Variants in FAM193A observed in about 807,000 individuals in gnomAD.
FAM193A encodes the protein family with sequence similarity 193 member A.
A neutral mutation model predicts 126.5 loss-of-function variants in FAM193A; 22 were observed. The observed-to-expected ratio is 0.17, with a 90% confidence interval of 0.12 to 0.25. The LOEUF is 0.25. Among genes scored for constraint, FAM193A ranks in the 10% least tolerant of loss-of-function variants. The pLI is 1.00. For synonymous variants in FAM193A, 761 were observed against 646.8 expected, an observed-to-expected ratio of 1.18 and a Z score of -2.68; for missense variants, 1,675 against 1,672.8, an observed-to-expected ratio of 1.00 and a Z score of -0.02.
intron 1 of FAM193A, among the ~76,000 whole-genome samples, chr4:2,548,103 G>C (rs1255245008): frequency 4.6e-5 from 6 of 129,908 alleles, no homozygotes; most frequent in Non-Finnish European, 8.0e-5. Flanking sequence ...ACAAAGTCTT[G>C]CTCTTGTCCC....
chr4:2,663,289 GTAGGAC>G lies in FAM193A; in HGVS notation c.2079+3_2079+8del. Reference sequence around the variant, plus strand: ...ACCCCCATCCTACCCAACACAGCAGGTAGGACTTTGCTTGCTGTTTTGCCAAGGATC... The same window carrying G: ...ACCCCCATCCTACCCAACACAGCAGGTTTGCTTGCTGTTTTGCCAAGGATC... On this transcript the variant is annotated splice_donor_variant and splice_donor_5th_base_variant and intron_variant, in intron 12 of 20. Transcript: ENST00000637812. LOFTEE classifies it high-confidence loss of function. 1.3e-6 allele frequency: 2 copies of G among 1,556,746 alleles called. No homozygotes were observed. Among genetic ancestry groups the G allele is most frequent in the Non-Finnish European group, 1.7e-6 (2 of 1,153,104 alleles).
chr4:2,636,254 G>A (rs1035596881), intron 5 of FAM193A, among the ~76,000 whole-genome samples: 5 of 151,910 alleles, frequency 3.3e-5, no homozygotes, highest in South Asian at 2.1e-4. Flanking sequence ...TAGTAGAGTC[G>A]GGGTTTCACT....
chr4:2,585,152 T>C (rs548363485), intron 1 of FAM193A, among the ~76,000 whole-genome samples: 1 of 152,346 alleles, frequency 6.6e-6, no homozygotes, highest in East Asian at 1.9e-4. Context: ...TTCTACAGTT[T>C]ATGGGTTATT....
At chr4:2,577,144 T>C (rs1027445471) in intron 1 of FAM193A, among the ~76,000 whole-genome samples, 1 of 140,658 alleles carries the variant, frequency 7.1e-6, no homozygotes, top group Non-Finnish European at 1.6e-5. Flanking sequence ...CAGGTAGTTA[T>C]TGTTATTACT....
At chr4:2,693,028 C>T (rs139805242) in intron 15 of FAM193A, among the ~76,000 whole-genome samples, 8 of 152,040 alleles carry the variant, frequency 5.3e-5, no homozygotes, top group African/African-American at 1.4e-4. Context: ...CATAGTGAGA[C>T]ACTGTCTCTT....
At chr4:2,562,337 A>G (rs1578601164) in intron 1 of FAM193A, among the ~76,000 whole-genome samples, 1 of 152,268 alleles carries the variant, frequency 6.6e-6, no homozygotes, top group Non-Finnish European at 1.5e-5. Context: ...CTGTAGTCCT[A>G]GCTACCCAGG....
chr4:2,646,996 G>A (rs534110287), intron 7 of FAM193A, among the ~76,000 whole-genome samples, 164 bp downstream of exon 7: 36 of 152,344 alleles, frequency 2.4e-4, no homozygotes, highest in African/African-American at 7.7e-4. Context: ...CTGGTTTTCC[G>A]GAAGGGATGG....
At chr4:2,640,636 C>A (rs1455305961) in intron 6 of FAM193A, among the ~76,000 whole-genome samples, 1 of 152,118 alleles carries the variant, frequency 6.6e-6, no homozygotes, top group African/African-American at 2.4e-5. Flanking sequence ...ATAATACAGA[C>A]CCATCGTGAC....
At chr4:2,576,007 C>T (rs1739564073) in intron 1 of FAM193A, among the ~76,000 whole-genome samples, 1 of 152,108 alleles carries the variant, frequency 6.6e-6, no homozygotes, top group African/African-American at 2.4e-5. Flanking sequence ...AGCAGCAGTC[C>T]AGGAGGTCAG....
intron 13 of FAM193A, among the ~76,000 whole-genome samples, chr4:2,687,761 C>T (rs1715906837): frequency 6.6e-6 from 1 of 152,180 alleles, no homozygotes. Flanking sequence ...CAAAGCTGAC[C>T]AAATCATCTC....
chr4:2,602,163 C>G (rs899704134), intron 2 of FAM193A, among the ~76,000 whole-genome samples: 9 of 151,768 alleles, frequency 5.9e-5, no homozygotes, highest in Non-Finnish European at 1.0e-4. Context: ...TATATACATA[C>G]ATGTGCTATA....
Position 2,699,934 on chromosome 4 carries a change from T to C in FAM193A, c.3762T>C (p.Pro1254=). 6.2e-7 allele frequency: 1 copy of C among 1,614,054 alleles called. No individual in the cohort carries two copies. Among genetic ancestry groups the C allele is most frequent in the East Asian group, 2.2e-5 (1 of 44,860 alleles). ...TCCAGGCAGCAACAGAGTCTGTTCC[T>C]AACTCTGGAAACATCCACAATGGCT... ...RNFQAATESV[P]NSGNIHNGSL... is the part of the protein sequence containing the mutation. The change falls in exon 19 of 21, where the codon CCT becomes CCC. Residue 1254 remains proline (P), a synonymous_variant. Transcript: ENST00000637812.
intron 2 of FAM193A, among the ~76,000 whole-genome samples, chr4:2,616,847 T>A (rs1742218296): frequency 6.7e-6 from 1 of 149,856 alleles, no homozygotes; most frequent in South Asian, 2.2e-4. Context: ...GTTACAGGTG[T>A]GAGCCACCAC....
intron 13 of FAM193A, among the ~76,000 whole-genome samples, chr4:2,685,140 T>C (rs1715590218): frequency 6.6e-6 from 1 of 152,126 alleles, no homozygotes; most frequent in Non-Finnish European, 1.5e-5. Flanking sequence ...CTGAGAACTT[T>C]GCAGTGGAGC....
chr4:2,700,510 G>T lies in FAM193A; in HGVS notation c.4338G>T (p.Lys1446Asn), dbSNP rs748874047. The change falls in exon 19 of 21, where the codon AAG becomes AAT. Residue 1446 changes from lysine to asparagine, a missense_variant. Lys to Asn is a moderately conservative substitution (Grantham distance 94). Coordinates refer to ENST00000637812, the MANE Select transcript of FAM193A (RefSeq NM_001366318.2). ...CAAAGGGCAAGAACAAGAAAAATAA[G>T]AAGAAGAAAGGAGACAGAGTCAACA... ...PQPKGKNKKN[K>N]KKKGDRVNNS... 62 of 1,612,578 alleles carry T rather than the reference G, an allele frequency of 3.8e-5. 2 individuals are homozygous for T. Among genetic ancestry groups the T allele is most frequent in the Admixed American group, 3.4e-5 (2 of 59,616 alleles).
chr4:2,655,031 T>C (rs1240166651), intron 7 of FAM193A: 9 of 673,016 alleles, frequency 1.3e-5, no homozygotes, highest in Non-Finnish European at 2.4e-5. Flanking sequence ...TTTCCAGCAT[T>C]TGTCCCCTTT....
intron 13 of FAM193A, among the ~76,000 whole-genome samples, chr4:2,681,513 C>T (rs1489938370): frequency 2.0e-5 from 3 of 152,058 alleles, no homozygotes; most frequent in Non-Finnish European, 4.4e-5. Context: ...TGTAGTGGTG[C>T]GATCTTGGGT....
At chr4:2,574,180 G>A (rs754371800) in intron 1 of FAM193A, among the ~76,000 whole-genome samples, 1 of 152,080 alleles carries the variant, frequency 6.6e-6, no homozygotes, top group Non-Finnish European at 1.5e-5. Flanking sequence ...TGTGGTGTCA[G>A]TGTGGGGTGT....
chr4:2,686,942 C>T (rs1034706738), intron 13 of FAM193A, among the ~76,000 whole-genome samples: 14 of 152,206 alleles, frequency 9.2e-5, no homozygotes, highest in African/African-American at 2.4e-4. Context: ...TATTGAAATA[C>T]GTTTTTTTAT....
Sources: gnomAD v4.1 joint callset for allele counts (sites outside exome capture counted in the v4.1 genomes callset) on GRCh38, gnomAD v4.1.1 for gene constraint, MANE v1.5 for transcripts, NCBI Gene and HGNC (gene_info 2026-07-23, HGNC 2026-07-21) for gene names.